SCML4: variants seen among roughly 807,000 people sequenced by gnomAD.
The protein encoded by SCML4 is sex comb on midleg-like protein 4.
A neutral mutation model predicts 41.1 loss-of-function variants in SCML4; 34 were observed. The observed-to-expected ratio is 0.83, with a 90% CI of 0.63 to 1.10. The LOEUF (loss-of-function observed/expected upper bound fraction) is 1.10. Ranked by LOEUF, SCML4 falls within the 50% of genes least tolerant of loss-of-function variation. SCML4 has a pLI of 0.00. For synonymous variants in SCML4, 214 were observed against 220.9 expected, an observed-to-expected ratio of 0.97 and a Z score of 0.28; for missense variants, 522 against 534.1, an observed-to-expected ratio of 0.98 and a Z score of 0.22.
At chr6:107,817,620 C>CAAAAAAAAAAAAAA (rs35621962) in intron 1 of SCML4, among the ~76,000 whole-genome samples, 1 of 45,996 alleles carries the variant, frequency 2.2e-5, no homozygotes, top group African/African-American at 1.4e-4. Flanking sequence ...GACTTCATCT[C>CAAAAAAAAAAAAAA]AAAAAAAAAA....
intron 4 of SCML4, 130 bp downstream of exon 4, chr6:107,746,559 A>G: frequency 1.3e-6 from 1 of 749,758 alleles, no homozygotes; most frequent in South Asian, 1.8e-5. Flanking sequence ...ACAGGCTCAT[A>G]AAGACCCTAG....
chr6:107,818,044 C>T (rs1277769984), intron 1 of SCML4, among the ~76,000 whole-genome samples: 1 of 152,142 alleles, frequency 6.6e-6, no homozygotes, highest in Non-Finnish European at 1.5e-5. Flanking sequence ...ATTTTCACAC[C>T]GTGGATGGTG....
At chr6:107,778,234 T>A (rs1390938465) in intron 1 of SCML4, among the ~76,000 whole-genome samples, 573 of 7,216 alleles carry the variant, frequency 0.079, 5 homozygotes, top group South Asian at 0.12. Context: ...TATATATATA[T>A]ATATATATAT....
rs188589736 is a variant in SCML4, at chr6:107,778,053, T to C, written c.-59-5667A>G. 1.7e-3 allele frequency among the ~76,000 whole-genome samples: 257 copies of C among 150,786 alleles called. 1 individual carries two copies. Among genetic ancestry groups the C allele is most frequent in the African/African-American group, 6.2e-3 (253 of 40,900 alleles). ...AACACGGTGAAACTCCCATCTCTAA[T>C]AAAAATACAAAAATTAGCCAGGCAT... On this transcript the variant is annotated intron_variant, in intron 1 of 7. Coordinates refer to ENST00000369020, the MANE Select transcript of SCML4 (RefSeq NM_198081.5).
At chr6:107,797,080 T>A (rs1179823070) in intron 1 of SCML4, among the ~76,000 whole-genome samples, 1 of 152,172 alleles carries the variant, frequency 6.6e-6, no homozygotes. Context: ...AACTTTATAG[T>A]AAGTCTTGAA....
intron 2 of SCML4, among the ~76,000 whole-genome samples, chr6:107,767,694 C>T (rs1583534171): frequency 6.6e-6 from 1 of 152,198 alleles, no homozygotes; most frequent in Non-Finnish European, 1.5e-5. Context: ...TCTCCTTTCT[C>T]CCTTTAATAG....
intron 2 of SCML4, among the ~76,000 whole-genome samples, chr6:107,753,390 G>A (rs537195579): frequency 3.8e-4 from 58 of 152,208 alleles, no homozygotes; most frequent in Middle Eastern, 6.8e-3. Context: ...CCACGTTCAC[G>A]GCAACACTAT....
In SCML4 at chr6:107,808,967, G is replaced by C. The variant is rs530081106; in HGVS notation, c.-60+15159C>G. Among the ~76,000 whole-genome samples the C allele has an allele frequency of 3.9e-5, 6 of 152,294 alleles. No individual in the cohort carries two copies. The East Asian group carries it at 9.6e-4, about 24-fold the overall frequency. ...ACTAGAGTGAGTACATCAGTGCTAT[G>C]GTTTGAATGATAGTGTCCCCTCCAA... On this transcript the variant is annotated intron_variant, in intron 1 of 7. Coordinates refer to ENST00000369020, the MANE Select transcript of SCML4 (RefSeq NM_198081.5).
chr6:107,772,099 G>A, intron 2 of SCML4, 73 bp downstream of exon 2: 3 of 1,306,554 alleles, frequency 2.3e-6, no homozygotes, highest in Non-Finnish European at 3.1e-6. Flanking sequence ...GTGGCATTTT[G>A]CAGTGCAGGT....
intron 1 of SCML4, among the ~76,000 whole-genome samples, chr6:107,795,734 G>C (rs1475988734): frequency 6.6e-6 from 1 of 151,952 alleles, no homozygotes; most frequent in African/African-American, 2.4e-5. Context: ...TCACCATGTG[G>C]GCCAGGCTGG....
intron 5 of SCML4, among the ~76,000 whole-genome samples, chr6:107,734,551 C>G (rs969695051): frequency 1.3e-5 from 2 of 152,254 alleles, no homozygotes; most frequent in African/African-American, 4.8e-5. Flanking sequence ...TTAAATTCTA[C>G]GAAATGCAGG....
intron 1 of SCML4, among the ~76,000 whole-genome samples, chr6:107,781,568 G>T (rs1160649281): frequency 6.6e-6 from 1 of 151,926 alleles, no homozygotes; most frequent in African/African-American, 2.4e-5. Context: ...GATTGCTGGA[G>T]CCTGGAAAGT....
the SCML4 span, among the ~76,000 whole-genome samples, chr6:107,834,410 C>T: frequency 1.3e-5 from 2 of 152,188 alleles, no homozygotes; most frequent in Admixed American, 6.5e-5. Flanking sequence ...CAGCCCCTGG[C>T]TCTCTCACTG....
intron 6 of SCML4, 194 bp downstream of exon 6, chr6:107,720,509 T>C (rs1391704812): frequency 3.6e-6 from 5 of 1,374,182 alleles, no homozygotes; most frequent in Non-Finnish European, 4.7e-6. Flanking sequence ...ATACACGATT[T>C]TCTTTGCTTA....
chr6:107,792,907 T>C (rs997944647), intron 1 of SCML4, among the ~76,000 whole-genome samples: 13 of 152,240 alleles, frequency 8.5e-5, no homozygotes, highest in African/African-American at 3.1e-4. Flanking sequence ...TTGTATAGGA[T>C]CCAGATCAAG....
At chr6:107,787,116 G>A (rs1295936701) in intron 1 of SCML4, among the ~76,000 whole-genome samples, 1 of 152,200 alleles carries the variant, frequency 6.6e-6, no homozygotes, top group East Asian at 1.9e-4. Context: ...CTGGCTGGGG[G>A]ACAGGAGAGA....
At chr6:107,743,658 C>T (rs1373950887) in intron 5 of SCML4, among the ~76,000 whole-genome samples, 1 of 152,218 alleles carries the variant, frequency 6.6e-6, no homozygotes, top group African/African-American at 2.4e-5. Context: ...TCCAAGCTCA[C>T]ACATGCAGAG....
the SCML4 span, among the ~76,000 whole-genome samples, chr6:107,839,339 G>T: frequency 1.5e-5 from 2 of 130,498 alleles, no homozygotes; most frequent in African/African-American, 6.5e-5. Flanking sequence ...AAGAGAGAGA[G>T]AAAAAGAAAG....
chr6:107,729,810 C>G (rs1776360296), intron 5 of SCML4, among the ~76,000 whole-genome samples: 1 of 152,192 alleles, frequency 6.6e-6, no homozygotes, highest in South Asian at 2.1e-4. Flanking sequence ...ATTGAGCTAG[C>G]CCCAACCTAT....
Sources: allele counts gnomAD v4.1 joint callset (sites outside exome capture counted in the v4.1 genomes callset), GRCh38; gene constraint gnomAD v4.1.1; transcripts MANE v1.5; gene names NCBI Gene and HGNC (gene_info 2026-07-23, HGNC 2026-07-21).